IQCH: variants seen among roughly 807,000 people sequenced by gnomAD.
IQCH encodes IQ domain-containing protein H.
A neutral mutation model predicts 117.0 loss-of-function variants in IQCH; 98 were observed. The observed-to-expected ratio is 0.84, with a 90% confidence interval of 0.71 to 0.99. IQCH has a LOEUF of 0.99. Among genes scored for constraint, IQCH ranks in the 50% least tolerant of loss-of-function variants. IQCH has a pLI of 0.00. For synonymous variants in IQCH, 412 were observed against 448.2 expected (o/e 0.92, Z 1.02); for missense variants, 1,102 against 1,243.8 (o/e 0.89, Z 1.72).
In IQCH at chr15:67,453,639, G is replaced by A. The variant is rs2082587652; in HGVS notation, c.2506-11488G>A. 6.6e-6 allele frequency among the ~76,000 whole-genome samples: 1 copy of A among 152,172 alleles called. No homozygotes were observed. Among genetic ancestry groups the A allele is most frequent in the African/African-American group, 2.4e-5 (1 of 41,434 alleles). On this transcript the variant is annotated intron_variant, in intron 16 of 20. Transcript: ENST00000335894. This position sits in a 1 kb window ranked among gnomAD's most constrained non-coding sequence, Gnocchi z 5.8. Reference sequence around the variant, plus strand: ...GTAAGGTGTCAGTCCGCCCCTACTGGGGGGTGCCTCCCAGTTAGGCTACTC... The same window carrying A: ...GTAAGGTGTCAGTCCGCCCCTACTGAGGGGTGCCTCCCAGTTAGGCTACTC...
Position 67,454,595 on chromosome 15 carries a change from AT to A in IQCH, c.2506-10528del, listed in dbSNP as rs2082618014. Among the ~76,000 whole-genome samples the A allele has an allele frequency of 6.6e-6, 1 of 152,098 alleles. No individual in the cohort carries two copies. The highest frequency in any genetic ancestry group is 1.5e-5 in the Non-Finnish European group (1 of 68,028). On this transcript the variant is annotated intron_variant, in intron 16 of 20. Coordinates refer to ENST00000335894, the MANE Select transcript of IQCH (RefSeq NM_001031715.3). This position sits in a 1 kb window ranked among gnomAD's most constrained non-coding sequence, Gnocchi z 5.2. ...TCCTTCCTCACAGCCACTGGAAAAC[AT>A]TTTCCATCTCCATGGATTTCCCTAT... is the stretch of plus-strand genomic sequence containing the variant.
Position 67,395,557 on chromosome 15 carries a change from G to A in IQCH, c.1899G>A (p.Gln633=). Residue 633 remains glutamine, a synonymous_variant, in exon 13 of 21, where the codon CAG becomes CAA. Coordinates refer to ENST00000335894, the MANE Select transcript of IQCH (RefSeq NM_001031715.3). The surrounding 1 kb of genome is among the most constrained non-coding windows in gnomAD (Gnocchi z 4.0). ...CTGGAATATATGATATTTATAGTCA[G>A]CAACAGGTATGTGGGGTGGACAAGT... is the stretch of plus-strand genomic sequence containing the variant. ...VPPGIYDIYS[Q]QQMIEQLSQL... The A allele has an allele frequency of 2.5e-6, 4 of 1,613,712 alleles. No homozygotes were observed. Among genetic ancestry groups the A allele is most frequent in the Non-Finnish European group, 3.4e-6 (4 of 1,179,734 alleles).
intron 12 of IQCH, among the ~76,000 whole-genome samples, chr15:67,394,172 C>T (rs373844166): frequency 6.6e-6 from 1 of 152,126 alleles, no homozygotes; most frequent in Non-Finnish European, 1.5e-5. Context: ...ATGTCTTTCC[C>T]ATGCCCATCT....
intron 4 of IQCH, among the ~76,000 whole-genome samples, chr15:67,333,482 A>AT (rs1442541418): frequency 1.3e-5 from 2 of 152,150 alleles, no homozygotes; most frequent in African/African-American, 2.4e-5. Context: ...CATAAGTCCT[A>AT]TTTTTTATAC....
intron 3 of IQCH, among the ~76,000 whole-genome samples, chr15:67,265,307 G>A (rs995881763): frequency 1.3e-5 from 2 of 152,230 alleles, no homozygotes; most frequent in African/African-American, 4.8e-5. Context: ...CCTTACTAAG[G>A]TCTGGAAGAG....
At chr15:67,375,841 C>T (rs1000271532) in intron 10 of IQCH, among the ~76,000 whole-genome samples, 1 of 139,638 alleles carries the variant, frequency 7.2e-6, no homozygotes, top group Admixed American at 7.8e-5. Context: ...GGCTGGAGTG[C>T]AGTGGTGCGA....
rs556856693 is a variant in IQCH at position 67,376,914 on chromosome 15, C to G, written c.1372+3481C>G. Among the ~76,000 whole-genome samples, 17 of 151,974 alleles carry G rather than the reference C, an allele frequency of 1.1e-4. No individual in the cohort carries two copies. The East Asian group carries it at 2.5e-3, about 23-fold the overall frequency. ...TGGGCAGATCACGAGGTCAAGAGAT[C>G]GAGACCATCCTGGCCAACATGGTGA... On this transcript the variant is annotated intron_variant, in intron 10 of 20. Transcript: ENST00000335894. The surrounding 1 kb of genome is among the most constrained non-coding windows in gnomAD (Gnocchi z 5.0).
intron 16 of IQCH, 127 bp downstream of exon 16, chr15:67,421,704 A>G: frequency 1.1e-6 from 1 of 951,186 alleles, no homozygotes; most frequent in Admixed American, 2.4e-5. Context: ...AACTTGCTCT[A>G]AATTCAACAC....
In IQCH at chr15:67,386,259, A is replaced by C. The variant is rs1971104487; in HGVS notation, c.1456+1240A>C. Among the ~76,000 whole-genome samples the C allele has an allele frequency of 6.6e-6, 1 of 152,174 alleles. No individual in the cohort carries two copies. Among genetic ancestry groups the C allele is most frequent in the Non-Finnish European group, 1.5e-5 (1 of 68,028 alleles). ...CTTTCTATATATAGTATAAGCCATC[A>C]CGAAATAATTTCTTTATAAAAGATT... On this transcript the variant is annotated intron_variant, in intron 11 of 20. Transcript: ENST00000335894. This position sits in a 1 kb window ranked among gnomAD's most constrained non-coding sequence, Gnocchi z 5.0.
rs745624845 is a variant in IQCH, at chr15:67,456,404, G to A, written c.2506-8723G>A. On this transcript the variant is annotated intron_variant, in intron 16 of 20. Coordinates refer to ENST00000335894, the MANE Select transcript of IQCH (RefSeq NM_001031715.3). The surrounding 1 kb of genome is among the most constrained non-coding windows in gnomAD (Gnocchi z 5.1). ...TGATTCTAGTTCCTCCCCTAAATGT[G>A]GGACCTGAGAAGTCATTTCACCCTC... Among the ~76,000 whole-genome samples, 6 of 152,176 alleles carry A rather than the reference G, an allele frequency of 3.9e-5. No individual in the cohort carries two copies. Among genetic ancestry groups the A allele is most frequent in the Non-Finnish European group, 8.8e-5 (6 of 68,004 alleles).
At chr15:67,399,389 A>G (rs988519873) in intron 13 of IQCH, among the ~76,000 whole-genome samples, 4 of 152,320 alleles carry the variant, frequency 2.6e-5, no homozygotes, top group Non-Finnish European at 4.4e-5. Flanking sequence ...GACCATTATC[A>G]TCATTATTAT....
At position 67,359,173 on chromosome 15, in the gene IQCH, A is replaced by G. The variant is rs964716886; in HGVS notation, c.715-674A>G. Among the ~76,000 whole-genome samples, 3 of 152,242 alleles carry G rather than the reference A, an allele frequency of 2.0e-5. No homozygotes were observed. Among genetic ancestry groups the G allele is most frequent in the African/African-American group, 7.2e-5 (3 of 41,468 alleles). On this transcript the variant is annotated intron_variant, in intron 7 of 20. Transcript: ENST00000335894. This position sits in a 1 kb window ranked among gnomAD's most constrained non-coding sequence, Gnocchi z 4.5. ...TGGAGCGCTCAGGTCCCACAGTTTTATAGATAACAGATCTACAGGTAATAC... is the reference window on the plus strand; with the variant it reads ...TGGAGCGCTCAGGTCCCACAGTTTTGTAGATAACAGATCTACAGGTAATAC...
At chr15:67,373,993 A>G (rs1044712009) in intron 10 of IQCH, 2 of 155,654 alleles carry the variant, frequency 1.3e-5, no homozygotes, top group East Asian at 1.9e-4. Flanking sequence ...TTGCACTTAA[A>G]TAATCTGCAG....
intron 4 of IQCH, among the ~76,000 whole-genome samples, chr15:67,303,168 C>T (rs1024855256): frequency 1.3e-5 from 2 of 152,138 alleles, no homozygotes; most frequent in Admixed American, 1.3e-4. Flanking sequence ...TACTTCTAAC[C>T]TCCTTTTTAA....
rs1971265240 is a variant in IQCH at position 67,390,911 on chromosome 15, A to G, written c.1632+1905A>G. Among the ~76,000 whole-genome samples the G allele has an allele frequency of 6.6e-6, 1 of 152,250 alleles. No individual in the cohort carries two copies. Among genetic ancestry groups the G allele is most frequent in the African/African-American group, 2.4e-5 (1 of 41,468 alleles). ...CTAGTCCAAGGTTACTAGTAAGGCC[A>G]GAGTGTGAACCAAAATCTCTCTACC... On this transcript the variant is annotated intron_variant, in intron 12 of 20. Transcript: ENST00000335894. This position sits in a 1 kb window ranked among gnomAD's most constrained non-coding sequence, Gnocchi z 5.0.
At position 67,357,380 on chromosome 15, in the gene IQCH, C is replaced by A; in HGVS notation, c.673C>A (p.Pro225Thr). The A allele has an allele frequency of 6.2e-7, 1 of 1,611,060 alleles. No individual in the cohort carries two copies. The highest frequency in any genetic ancestry group is 8.5e-7 in the Non-Finnish European group (1 of 1,177,202). Residue 225 changes from proline to threonine, a missense_variant, in exon 7 of 21, where the codon CCA (proline) becomes ACA (threonine). By Grantham distance (38) the Pro-to-Thr change is conservative (BLOSUM62 -1). Around this residue, in one of 2 missense-constraint regions of IQCH, gnomAD observed 452 missense variants for 449.6 expected, o/e 1.01. Coordinates refer to ENST00000335894, the MANE Select transcript of IQCH (RefSeq NM_001031715.3). ...TATACCTCGGGAACCACCTCCATCT[C>A]CAGCAGAAGTGAAGTTCTTTCCCAA... ...FTIPREPPPS[P>T]AEVKFFPKKQ...
At position 67,365,583 on chromosome 15, in the gene IQCH, T is replaced by C. The variant is rs1970303928; in HGVS notation, c.753+5698T>C. ...AGAGGCAATAATCAGATATTTAATATAATATCAAAGAGTGAGATAAGTGCT... is the reference window on the plus strand; with the variant it reads ...AGAGGCAATAATCAGATATTTAATACAATATCAAAGAGTGAGATAAGTGCT... On this transcript the variant is annotated intron_variant, in intron 8 of 20. Coordinates refer to ENST00000335894, the MANE Select transcript of IQCH (RefSeq NM_001031715.3). This position sits in a 1 kb window ranked among gnomAD's most constrained non-coding sequence, Gnocchi z 4.4. 6.6e-6 allele frequency among the ~76,000 whole-genome samples: 1 copy of C among 152,054 alleles called. No individual in the cohort carries two copies. The highest frequency in any genetic ancestry group is 6.6e-5 in the Admixed American group (1 of 15,256).
intron 3 of IQCH, among the ~76,000 whole-genome samples, chr15:67,272,013 T>C (rs1965917081): frequency 6.6e-6 from 1 of 152,156 alleles, no homozygotes; most frequent in Admixed American, 6.5e-5. Flanking sequence ...CATTAGGTTG[T>C]GTATTTGAAG....
At chr15:67,477,044 C>CTTTTTTTTTTTTTTTTTTTTTTTT (rs71455553) in intron 18 of IQCH, among the ~76,000 whole-genome samples, 1 of 71,176 alleles carries the variant, frequency 1.4e-5, no homozygotes, top group Admixed American at 2.0e-4. Context: ...TCTTTTTCTT[C>CTTTTTTTTTTTTTTTTTTTTTTTT]TTTTTTTTTT....
Sources: allele counts gnomAD v4.1 joint callset (sites outside exome capture counted in the v4.1 genomes callset), GRCh38; gene constraint gnomAD v4.1.1; regional missense constraint gnomAD v4.1.1; non-coding constraint Gnocchi (gnomAD v3.1); transcripts MANE v1.5; gene names NCBI Gene and HGNC (gene_info 2026-07-23, HGNC 2026-07-21).